Variants in BLTP3B observed in about 807,000 individuals in gnomAD.
BLTP3B encodes UHRF1 (ICBP90) binding protein 1-like.
chr12:100,039,169 AAAAAATC>A, the BLTP3B span, among the ~76,000 whole-genome samples: 1 of 152,164 alleles, frequency 6.6e-6, no homozygotes, highest in Non-Finnish European at 1.5e-5. Flanking sequence ...TGGCAAAAAA[AAAAAATC>A]AAAAGCAACT....
At chr12:100,041,255 C>T in the BLTP3B span, among the ~76,000 whole-genome samples, 1 of 152,000 alleles carries the variant, frequency 6.6e-6, no homozygotes, top group East Asian at 1.9e-4. Context: ...AATCCAATAC[C>T]TTTCCATGAT....
the BLTP3B span, among the ~76,000 whole-genome samples, chr12:100,063,687 C>T: frequency 1.8e-5 from 2 of 111,046 alleles, no homozygotes; most frequent in African/African-American, 3.5e-5. Flanking sequence ...GCCTGGGCAA[C>T]AAGAGTGAAC....
At chr12:100,142,629 C>G in the BLTP3B span, 1 of 1,608,480 alleles carries the variant, frequency 6.2e-7, no homozygotes, top group Non-Finnish European at 8.5e-7. Flanking sequence ...TTGATGATCC[C>G]GGCCATGGTA....
the BLTP3B span, among the ~76,000 whole-genome samples, chr12:100,113,932 G>A: frequency 2.9e-4 from 44 of 152,252 alleles, no homozygotes; most frequent in African/African-American, 1.1e-3. Context: ...CTCTTGATCT[G>A]CAGGTATTAG....
At chr12:100,062,177 A>T in the BLTP3B span, among the ~76,000 whole-genome samples, 177 of 152,362 alleles carry the variant, frequency 1.2e-3, no homozygotes, top group African/African-American at 4.1e-3. Context: ...CTGTGAGACA[A>T]TAAATTTCTG....
At chr12:100,050,151 T>TA in the BLTP3B span, 69,426 of 877,930 alleles carry the variant, frequency 0.079, 1 homozygote, top group South Asian at 0.1. Context: ...GAAAAATAAT[T>TA]AAAAAAAAAA....
chr12:100,088,761 C>T, the BLTP3B span, among the ~76,000 whole-genome samples: 14 of 152,192 alleles, frequency 9.2e-5, no homozygotes, highest in African/African-American at 3.4e-4. Flanking sequence ...CCAATATATG[C>T]TTCCAGTTGT....
the BLTP3B span, among the ~76,000 whole-genome samples, chr12:100,067,342 G>A: frequency 6.6e-6 from 1 of 151,974 alleles, no homozygotes; most frequent in African/African-American, 2.4e-5. Context: ...ACCAATATCA[G>A]AGAAGAACTA....
At chr12:100,117,478 A>C in the BLTP3B span, among the ~76,000 whole-genome samples, 1 of 152,012 alleles carries the variant, frequency 6.6e-6, no homozygotes, top group Non-Finnish European at 1.5e-5. Flanking sequence ...TTATTTATTT[A>C]TTTTGAGGCA....
chr12:100,095,854 T>C, the BLTP3B span: 1 of 1,555,506 alleles, frequency 6.4e-7, no homozygotes, highest in Non-Finnish European at 8.7e-7. Context: ...GAAAAAAAAA[T>C]GTTTTATAAA....
At chr12:100,116,748 A>G in the BLTP3B span, among the ~76,000 whole-genome samples, 2 of 152,192 alleles carry the variant, frequency 1.3e-5, no homozygotes, top group African/African-American at 4.8e-5. Flanking sequence ...AGCCAACACA[A>G]TAAGGTAAGA....
chr12:100,134,321 T>C, the BLTP3B span, among the ~76,000 whole-genome samples: 6 of 152,128 alleles, frequency 3.9e-5, no homozygotes, highest in Non-Finnish European at 7.4e-5. Context: ...ATCTAACATT[T>C]GGGCTGGGCG....
chr12:100,082,226 T>C, the BLTP3B span, among the ~76,000 whole-genome samples: 6 of 152,366 alleles, frequency 3.9e-5, no homozygotes, highest in East Asian at 1.2e-3. Context: ...AAGTGTGTGT[T>C]CATGTCCTTT....
chr12:100,090,337 T>C, the BLTP3B span, among the ~76,000 whole-genome samples: 1 of 152,198 alleles, frequency 6.6e-6, no homozygotes, highest in Non-Finnish European at 1.5e-5. Context: ...AGAACCCTGT[T>C]GATATATAAA....
the BLTP3B span, among the ~76,000 whole-genome samples, chr12:100,054,273 G>C: frequency 6.6e-6 from 1 of 152,106 alleles, no homozygotes; most frequent in African/African-American, 2.4e-5. Flanking sequence ...ATGATAAAAA[G>C]TAGGTTACAA....
chr12:100,062,969 A>T, the BLTP3B span, among the ~76,000 whole-genome samples: 1 of 151,024 alleles, frequency 6.6e-6, no homozygotes, highest in African/African-American at 2.4e-5. Flanking sequence ...AAAAAAAAGA[A>T]AAGAATTTAA....
At chr12:100,037,210 CA>C in the BLTP3B span, 1 of 951,686 alleles carries the variant, frequency 1.1e-6, no homozygotes, top group Non-Finnish European at 1.3e-6. Flanking sequence ...GTCATAAAAG[CA>C]TTTGAATCTT....
the BLTP3B span, among the ~76,000 whole-genome samples, chr12:100,129,971 C>G: frequency 6.5e-3 from 994 of 152,204 alleles, 10 homozygotes; most frequent in African/African-American, 0.023. Flanking sequence ...TTCTTCCCCC[C>G]CTTGGGATGG....
the BLTP3B span, among the ~76,000 whole-genome samples, chr12:100,117,072 T>G: frequency 6.6e-6 from 1 of 152,290 alleles, no homozygotes; most frequent in Admixed American, 6.5e-5. Flanking sequence ...AACATATGAT[T>G]AAATAAATAA....
Sources: allele counts gnomAD v4.1 joint callset (sites outside exome capture counted in the v4.1 genomes callset), GRCh38; gene constraint gnomAD v4.1.1; transcripts MANE v1.5; gene names NCBI Gene and HGNC (gene_info 2026-07-23, HGNC 2026-07-21).